The following RELN variants were observed in gnomAD, a reference collection of about 807,000 sequenced individuals.
RELN encodes reelin.
In RELN, 108 loss-of-function variants were observed where a neutral mutation model predicts 427.6. That is an observed-to-expected ratio of 0.25 (90% CI 0.22 to 0.30). The LOEUF is 0.30. Ranked by LOEUF, RELN falls within the 10% of genes least tolerant of loss-of-function variation. RELN has a pLI of 1.00. For synonymous variants in RELN, 1,524 were observed against 1,513.4 expected, an observed-to-expected ratio of 1.01 and a Z score of -0.16; for missense variants, 3,715 against 4,302.8, an observed-to-expected ratio of 0.86 and a Z score of 3.82.
Position 103,616,121 on chromosome 7 carries a change from T to C in RELN, c.2703-4318A>G, listed in dbSNP as rs138545339. Among the ~76,000 whole-genome samples, 33 of 152,306 alleles carry C rather than the reference T, an allele frequency of 2.2e-4. No homozygotes were observed. The East Asian group carries it at 6.4e-3, about 29-fold the overall frequency. Reference sequence around the variant, plus strand: ...AGTCAATATGGATGAAATCTCACTATTCATGTGCCATAAGAGAAGCTAATG... The same window carrying C: ...AGTCAATATGGATGAAATCTCACTACTCATGTGCCATAAGAGAAGCTAATG... On this transcript the variant is annotated intron_variant, in intron 20 of 64. Coordinates refer to ENST00000428762, the MANE Select transcript of RELN (RefSeq NM_005045.4).
At chr7:103,537,661 T>C (rs931992420) in intron 45 of RELN, among the ~76,000 whole-genome samples, 1 of 152,230 alleles carries the variant, frequency 6.6e-6, no homozygotes, top group Non-Finnish European at 1.5e-5. Context: ...CTCTACTTTC[T>C]ATGTGAAGAA....
chr7:103,611,652 A>G lies in RELN; in HGVS notation c.2854T>C (p.Tyr952His). The change falls in exon 21 of 65, where the codon TAC becomes CAC. Residue 952 changes from tyrosine (Y) to histidine (H), a missense_variant. Around this residue, in one of 4 missense-constraint regions of RELN, gnomAD observed 2,208 missense variants for 2,361.7 expected, o/e 0.93. Transcript: ENST00000428762. ...CAGGTAAGGCCGTGGTTGGTTGAGT[A>G]CTCCAGCTTCACCTGGTTGTCCATG... Reference protein sequence around the residue: ...PHMDNQVKLEYSTNHGLTWHL... With the variant: ...PHMDNQVKLEHSTNHGLTWHL... The G allele has an allele frequency of 1.2e-6, 2 of 1,613,580 alleles. No homozygotes were observed. Among genetic ancestry groups the G allele is most frequent in the Non-Finnish European group, 1.7e-6 (2 of 1,179,882 alleles).
rs1208560935 is a variant in RELN at position 103,909,810 on chromosome 7, A to G, written c.337+7265T>C. Among the ~76,000 whole-genome samples, 316 of 51,630 alleles carry G rather than the reference A, an allele frequency of 6.1e-3. 10 individuals are homozygous for G. Among genetic ancestry groups the G allele is most frequent in the Middle Eastern group, 0.016 (2 of 128 alleles). 33.9% of individuals were successfully genotyped at this position (51,630 alleles called of 152,430 possible). ...ATATATTAAATATATATTAATATAT[A>G]ATATTATATATAAAATATATATATT... is the stretch of plus-strand genomic sequence containing the variant. On this transcript the variant is annotated intron_variant, in intron 2 of 64. Transcript: ENST00000428762.
intron 46 of RELN, among the ~76,000 whole-genome samples, chr7:103,530,899 T>C (rs1829923660): frequency 6.6e-6 from 1 of 152,186 alleles, no homozygotes; most frequent in South Asian, 2.1e-4. Flanking sequence ...TATTTTTCAG[T>C]GGTTTCTTGG....
At chr7:103,967,930 C>A (rs1304845292) in intron 1 of RELN, among the ~76,000 whole-genome samples, 2 of 151,976 alleles carry the variant, frequency 1.3e-5, no homozygotes, top group Non-Finnish European at 2.9e-5. Context: ...ACTTTCCTGT[C>A]GCACCATTTA....
At chr7:103,937,008 T>G (rs1796002346) in intron 1 of RELN, among the ~76,000 whole-genome samples, 1 of 152,262 alleles carries the variant, frequency 6.6e-6, no homozygotes, top group African/African-American at 2.4e-5. Flanking sequence ...TCTAAAATTT[T>G]AGCTCTTTTT....
At chr7:103,607,644 G>A (rs905057260) in intron 22 of RELN, among the ~76,000 whole-genome samples, 7 of 152,136 alleles carry the variant, frequency 4.6e-5, no homozygotes, top group African/African-American at 1.7e-4. Context: ...TCCTTTATTT[G>A]ATTTTTCCTT....
At chr7:103,677,903 C>CTTCATTCAACA (rs1833573079) in intron 11 of RELN, among the ~76,000 whole-genome samples, 1 of 151,080 alleles carries the variant, frequency 6.6e-6, no homozygotes, top group African/African-American at 2.4e-5. Flanking sequence ...TTTGTAGTGT[C>CTTCATTCAACA]TTCATTCAAC....
intron 11 of RELN, among the ~76,000 whole-genome samples, chr7:103,666,028 T>C (rs1833257630): frequency 6.6e-6 from 1 of 152,042 alleles, no homozygotes. Context: ...ACTGTATTTT[T>C]CATTTTAAAA....
At chr7:103,498,880 A>AAAAGT (rs1237522568) in intron 53 of RELN, among the ~76,000 whole-genome samples, 6 of 152,234 alleles carry the variant, frequency 3.9e-5, no homozygotes, top group Non-Finnish European at 8.8e-5. Flanking sequence ...TATAGTATAT[A>AAAAGT]AAAGTATTAT....
chr7:103,599,668 G>A (rs755022804), intron 24 of RELN, among the ~76,000 whole-genome samples: 8 of 152,122 alleles, frequency 5.3e-5, no homozygotes, highest in South Asian at 2.1e-4. Flanking sequence ...GCTTCAGGGA[G>A]GCAGTGGAAT....
intron 1 of RELN, among the ~76,000 whole-genome samples, chr7:103,933,908 A>C (rs1381312467): frequency 1.3e-5 from 2 of 152,164 alleles, no homozygotes; most frequent in Non-Finnish European, 2.9e-5. Context: ...AGAGAACCAC[A>C]GGGGAGCAGA....
intron 8 of RELN, among the ~76,000 whole-genome samples, chr7:103,718,012 A>G (rs1391246195): frequency 5.3e-5 from 8 of 152,190 alleles, no homozygotes; most frequent in Non-Finnish European, 7.4e-5. Context: ...AATGAAATAG[A>G]ATACCTTTTA....
chr7:103,634,871 T>C lies in RELN; in HGVS notation c.2465+554A>G, dbSNP rs186626301. On this transcript the variant is annotated intron_variant, in intron 19 of 64. Transcript: ENST00000428762. Reference sequence around the variant, plus strand: ...AACAGTGTTAATTACTTTTCTCTCTTTTTTTTTTGAGACAGTCTCGCTCTG... The same window carrying C: ...AACAGTGTTAATTACTTTTCTCTCTCTTTTTTTTGAGACAGTCTCGCTCTG... Among the ~76,000 whole-genome samples, 19 of 150,200 alleles carry C rather than the reference T, an allele frequency of 1.3e-4. No individual in the cohort carries two copies. In the East Asian group the frequency reaches 2.5e-3, roughly 20 times the overall value.
chr7:103,743,675 C>T (rs1584456614), intron 6 of RELN, among the ~76,000 whole-genome samples: 1 of 152,190 alleles, frequency 6.6e-6, no homozygotes, highest in African/African-American at 2.4e-5. Context: ...AAGGACGTTA[C>T]ATAATGGTAA....
At chr7:103,703,430 G>A (rs1834135208) in intron 8 of RELN, among the ~76,000 whole-genome samples, 2 of 152,140 alleles carry the variant, frequency 1.3e-5, no homozygotes, top group African/African-American at 4.8e-5. Context: ...AGGGTAAGAT[G>A]AGGAAAGAGT....
At chr7:103,510,449 G>T (rs560932140) in intron 51 of RELN, among the ~76,000 whole-genome samples, 2 of 152,106 alleles carry the variant, frequency 1.3e-5, no homozygotes, top group African/African-American at 4.8e-5. Context: ...AGAACACATC[G>T]CCACAGGGAG....
chr7:103,551,938 GGTGTGTGTGT>G (rs34506983), intron 40 of RELN, among the ~76,000 whole-genome samples: 1 of 144,746 alleles, frequency 6.9e-6, no homozygotes, highest in Non-Finnish European at 1.5e-5. Context: ...TGTGTGTGTG[GGTGTGTGTGT>G]GTGTGTGTGT....
rs200761409 is a variant in RELN at position 103,482,887 on chromosome 7, A to G, written c.10266T>C (p.His3422=). 6.2e-7 allele frequency: 1 copy of G among 1,614,160 alleles called. No individual in the cohort carries two copies. The highest frequency in any genetic ancestry group is 2.2e-5 in the East Asian group (1 of 44,870). The change falls in exon 63 of 65, where the codon CAT becomes CAC. Residue 3422 remains histidine (H), a synonymous_variant. Transcript: ENST00000428762. The part of the protein sequence containing the change: ...GTGHDQWALD[H]VEVVLVSTRK... The stretch of plus-strand genomic sequence containing the variant: ...TAGATACTCACAGGACGACCTCCAC[A>G]TGGTCCAAAGCCCATTGATCATGAC...
Sources: gnomAD v4.1 joint callset for allele counts (sites outside exome capture counted in the v4.1 genomes callset) on GRCh38, gnomAD v4.1.1 for gene constraint, gnomAD v4.1.1 regional missense constraint, MANE v1.5 for transcripts, NCBI Gene and HGNC (gene_info 2026-07-23, HGNC 2026-07-21) for gene names.